MIER2: variants seen among roughly 807,000 people sequenced by gnomAD.
The protein encoded by MIER2 is MIER family member 2, also known as mesoderm induction early response protein 2.
MIER2 carries 30 observed loss-of-function variants against 67.6 expected under a neutral mutation model. The ratio of observed to expected loss-of-function variants is 0.44; its 90% confidence interval spans 0.33 to 0.60. The LOEUF (loss-of-function observed/expected upper bound fraction) is 0.60. MIER2 is among the 20% of genes least tolerant of loss of function. MIER2 has a pLI of 0.02. For synonymous variants in MIER2, 372 were observed against 312.6 expected (o/e 1.19, Z -2.00); for missense variants, 702 against 745.1 (o/e 0.94, Z 0.67).
chr19:308,791 C>CT lies in MIER2; in HGVS notation c.1109+9dup. The CT allele has an allele frequency of 6.3e-7, 1 of 1,599,022 alleles. No homozygotes were observed. The highest frequency in any genetic ancestry group is 8.6e-7 in the Non-Finnish European group (1 of 1,168,500). ...CGCCTGTCGTTACTGCTGGGGAGGG[C>CT]TGCACGCACGTGGTTCCGGACGGGA... is the stretch of plus-strand genomic sequence containing the variant. On this transcript the variant is annotated intron_variant, in intron 11 of 13. Transcript: ENST00000264819. This position sits in a 1 kb window ranked among gnomAD's most constrained non-coding sequence, Gnocchi z 9.1.
chr19:310,556 C>CCGGGAGCTGTAGAAACAT (rs1568216455), intron 10 of MIER2, among the ~76,000 whole-genome samples: 2 of 149,476 alleles, frequency 1.3e-5, no homozygotes, highest in East Asian at 2.0e-4. Context: ...TGCAGAAACA[C>CCGGGAGCTGTAGAAACAT]GGCCCGGAGC....
intron 3 of MIER2, among the ~76,000 whole-genome samples, chr19:330,558 A>G (rs1413075671): frequency 1.3e-5 from 2 of 151,830 alleles, no homozygotes; most frequent in East Asian, 1.9e-4. Context: ...AAAAAAAGAA[A>G]AAAAAAAAAA....
rs1193099097 is a variant in MIER2 at position 308,553 on chromosome 19, C to T, written c.1198+24G>A. ...TCCAGACCCGTGGCCGCCCCCAGGG[C>T]AGGAGATACTCCCCAAGCCTCACCT... On this transcript the variant is annotated intron_variant, in intron 12 of 13. Coordinates refer to ENST00000264819, the MANE Select transcript of MIER2 (RefSeq NM_017550.3). This position sits in a 1 kb window ranked among gnomAD's most constrained non-coding sequence, Gnocchi z 9.1. 1.9e-6 allele frequency: 3 copies of T among 1,572,786 alleles called. No homozygotes were observed. Among genetic ancestry groups the T allele is most frequent in the Non-Finnish European group, 2.6e-6 (3 of 1,160,744 alleles).
At chr19:321,573 G>A (rs1971504753) in intron 7 of MIER2, among the ~76,000 whole-genome samples, 2 of 152,150 alleles carry the variant, frequency 1.3e-5, no homozygotes, top group South Asian at 2.1e-4. Flanking sequence ...GAATCCAGGA[G>A]GCGGAGGTTG....
At chr19:327,552 G>A (rs754521144) in intron 4 of MIER2, among the ~76,000 whole-genome samples, 7 of 152,180 alleles carry the variant, frequency 4.6e-5, no homozygotes, top group East Asian at 1.9e-4. Context: ...AATGCAGCCC[G>A]CCCCTGCTCC....
At chr19:310,004 A>G (rs866477775) in intron 10 of MIER2, among the ~76,000 whole-genome samples, 14 of 135,306 alleles carry the variant, frequency 1.0e-4, no homozygotes, top group African/African-American at 1.9e-4. Flanking sequence ...ACACACACAC[A>G]CACGCACACA....
intron 1 of MIER2, among the ~76,000 whole-genome samples, chr19:343,032 G>A (rs1972572460): frequency 6.6e-6 from 1 of 152,108 alleles, no homozygotes; most frequent in South Asian, 2.1e-4. Context: ...CTGTAGGAGA[G>A]GCCCTGTCTG....
In MIER2 at chr19:306,683, C is replaced by T; in HGVS notation, c.*7G>A. ...TCTGGGCCGCATACGCCGCCCGCGG[C>T]CAGGAGTCAGCAGGTCATCACGTTA... is the stretch of plus-strand genomic sequence containing the variant. On this transcript the variant is annotated 3_prime_UTR_variant, in exon 14 of 14. Transcript: ENST00000264819. The T allele has an allele frequency of 6.4e-7, 1 of 1,557,150 alleles. No individual in the cohort carries two copies. Among genetic ancestry groups the T allele is most frequent in the African/African-American group, 1.4e-5 (1 of 73,340 alleles).
At chr19:326,763 C>T in intron 5 of MIER2, 165 bp from the exon 6 acceptor site, 2 of 623,376 alleles carry the variant, frequency 3.2e-6, no homozygotes, top group Non-Finnish European at 5.6e-6. Context: ...ACCAGGGATG[C>T]ACCTTTGAAG....
chr19:308,605 C>T lies in MIER2; in HGVS notation c.1170G>A (p.Glu390=), dbSNP rs534066860. 7.5e-6 allele frequency: 12 copies of T among 1,606,920 alleles called. No individual in the cohort carries two copies. In the African/African-American group the frequency reaches 1.6e-4, roughly 21 times the overall value. ...TGCGCATCCCAGTCAGGGTGTCTTGCTCCGGGCGCGGACGGCCGGGGCCAT... is the reference window on the plus strand; with the variant it reads ...TGCGCATCCCAGTCAGGGTGTCTTGTTCCGGGCGCGGACGGCCGGGGCCAT... ...DPDGPGRPRP[E]QDTLTGMRTD... The change falls in exon 12 of 14, where the codon GAG becomes GAA. Residue 390 remains glutamate, a synonymous_variant. Coordinates refer to ENST00000264819, the MANE Select transcript of MIER2 (RefSeq NM_017550.3). This position sits in a 1 kb window ranked among gnomAD's most constrained non-coding sequence, Gnocchi z 9.1.
intron 3 of MIER2, among the ~76,000 whole-genome samples, chr19:333,721 C>T (rs1490099026): frequency 7.7e-6 from 1 of 129,660 alleles, no homozygotes; most frequent in African/African-American, 3.0e-5. Flanking sequence ...CGGAGTCTCG[C>T]TGTGTCACCC....
rs1260312924 is a variant in MIER2 at position 307,010 on chromosome 19, G to A, written c.1616+109C>T. The A allele has an allele frequency of 2.3e-6, 3 of 1,306,932 alleles. No individual in the cohort carries two copies. The African/African-American group carries it at 4.4e-5, about 19-fold the overall frequency. The allele number at this position is 1,306,932 out of a possible 1,614,324, so 81.0% of individuals were successfully genotyped here. A position where few individuals can be genotyped will look rare whatever the true frequency, so the allele number is the denominator to read the frequency against. On this transcript the variant is annotated intron_variant, in intron 13 of 13. Transcript: ENST00000264819. ...GAGAGCCTGCTCGTGGAGCCACACT[G>A]TCCTCGGGTCCTTGGGGCAAATGCC...
At chr19:326,046 CCT>C (rs563066883) in intron 6 of MIER2, among the ~76,000 whole-genome samples, 301 of 152,362 alleles carry the variant, frequency 2.0e-3, no homozygotes, top group Non-Finnish European at 3.5e-3. Flanking sequence ...GCACGTCCCT[CCT>C]CTGAGAAGGG....
At chr19:337,315 A>C (rs924908121) in intron 1 of MIER2, among the ~76,000 whole-genome samples, 3 of 152,358 alleles carry the variant, frequency 2.0e-5, no homozygotes, top group Middle Eastern at 3.4e-3. Flanking sequence ...AATAAAATAA[A>C]AAAACAAAAC....
At chr19:339,807 C>A (rs892998544) in intron 1 of MIER2, among the ~76,000 whole-genome samples, 2 of 132,666 alleles carry the variant, frequency 1.5e-5, no homozygotes, top group African/African-American at 6.0e-5. Context: ...TGGAAAGGGG[C>A]TGGGAGTTGA....
intron 2 of MIER2, among the ~76,000 whole-genome samples, chr19:334,803 C>A (rs1442589517): frequency 6.6e-6 from 1 of 152,194 alleles, no homozygotes; most frequent in Admixed American, 6.5e-5. Context: ...TTCCTGAACA[C>A]AGAGAAGCCT....
chr19:310,319 T>C (rs1970894797), intron 10 of MIER2, among the ~76,000 whole-genome samples: 1 of 152,126 alleles, frequency 6.6e-6, no homozygotes, highest in Admixed American at 6.5e-5. Flanking sequence ...GGGTCCTGCC[T>C]GGGGGCGAGA....
chr19:313,712 A>T, intron 7 of MIER2, 69 bp from the exon 8 acceptor site: 1 of 1,557,570 alleles, frequency 6.4e-7, no homozygotes, highest in Non-Finnish European at 8.6e-7. Context: ...CAGGACAAGC[A>T]AAGCAGCCAA....
At chr19:336,985 G>A (rs1258115536) in intron 1 of MIER2, among the ~76,000 whole-genome samples, 1 of 152,036 alleles carries the variant, frequency 6.6e-6, no homozygotes, top group Non-Finnish European at 1.5e-5. Flanking sequence ...TAGGACTACA[G>A]GTGCGCACCA....
Sources: gnomAD v4.1 joint callset for allele counts (sites outside exome capture counted in the v4.1 genomes callset) on GRCh38, gnomAD v4.1.1 for gene constraint, Gnocchi (gnomAD v3.1) non-coding constraint, MANE v1.5 for transcripts, NCBI Gene and HGNC (gene_info 2026-07-23, HGNC 2026-07-21) for gene names.